CNTNAP2: variants seen among roughly 807,000 people sequenced by gnomAD.
CNTNAP2 encodes the protein contactin-associated protein-like 2.
A neutral mutation model predicts 155.2 loss-of-function variants in CNTNAP2; 98 were observed. The observed-to-expected ratio is 0.63, with a 90% confidence interval of 0.54 to 0.75. CNTNAP2 has a LOEUF of 0.75. Among genes scored for constraint, CNTNAP2 ranks in the 30% least tolerant of loss-of-function variants. The pLI is 0.00. For synonymous variants in CNTNAP2, 651 were observed against 631.2 expected, an observed-to-expected ratio of 1.03 and a Z score of -0.47; for missense variants, 1,727 against 1,688.1, an observed-to-expected ratio of 1.02 and a Z score of -0.40.
chr7:147,583,246 A>G (rs10241611), intron 12 of CNTNAP2, among the ~76,000 whole-genome samples: 104,514 of 151,486 alleles, frequency 0.69, 36,619 homozygotes, highest in African/African-American at 0.81. Context: ...GCAGTTCCAC[A>G]TAATCAGCTC....
At chr7:147,990,187 A>T (rs550203277) in intron 15 of CNTNAP2, among the ~76,000 whole-genome samples, 1 of 152,222 alleles carries the variant, frequency 6.6e-6, no homozygotes, top group African/African-American at 2.4e-5. Flanking sequence ...AAATGAAGAG[A>T]TGCACAGGGT....
At chr7:147,237,759 A>G (rs1803842941) in intron 8 of CNTNAP2, among the ~76,000 whole-genome samples, 1 of 152,246 alleles carries the variant, frequency 6.6e-6, no homozygotes, top group Non-Finnish European at 1.5e-5. Flanking sequence ...AAATTCAGTC[A>G]TATGTACATT....
intron 1 of CNTNAP2, among the ~76,000 whole-genome samples, chr7:146,489,204 TATA>T (rs1220881349): frequency 2.0e-5 from 3 of 152,176 alleles, no homozygotes; most frequent in Non-Finnish European, 2.9e-5. Flanking sequence ...TATGTACAAA[TATA>T]ATGTATCAAT....
At chr7:148,317,916 C>T (rs1344442023) in intron 21 of CNTNAP2, among the ~76,000 whole-genome samples, 13 of 151,548 alleles carry the variant, frequency 8.6e-5, no homozygotes, top group Non-Finnish European at 3.0e-5. Flanking sequence ...CTCCTGACCT[C>T]GTGATCCGCC....
rs929136570 is a variant in CNTNAP2 at position 148,415,806 on chromosome 7, C to A, written c.*190C>A. The stretch of plus-strand genomic sequence containing the variant: ...AAAAAAAAAAACCTTTTTAATATTT[C>A]TTTATAGCTGAGTTTTCCCTTCTGT... On this transcript the variant is annotated 3_prime_UTR_variant, in exon 24 of 24. Coordinates refer to ENST00000361727, the MANE Select transcript of CNTNAP2 (RefSeq NM_014141.6). The A allele has an allele frequency of 2.7e-5, 18 of 655,228 alleles. No homozygotes were observed. The highest frequency in any genetic ancestry group is 1.3e-4 in the African/African-American group (7 of 53,838). 40.6% of individuals were successfully genotyped at this position (655,228 alleles called of 1,614,324 possible).
At chr7:147,655,101 C>T (rs1166923701) in intron 13 of CNTNAP2, among the ~76,000 whole-genome samples, 1 of 151,248 alleles carries the variant, frequency 6.6e-6, no homozygotes, top group Non-Finnish European at 1.5e-5. Context: ...ACGTGAGCTA[C>T]CATGCCTGGC....
intron 9 of CNTNAP2, among the ~76,000 whole-genome samples, chr7:147,345,330 T>C (rs1460348623): frequency 6.6e-6 from 1 of 152,220 alleles, no homozygotes. Flanking sequence ...TAAAACTTTA[T>C]AACTTTATGT....
intron 13 of CNTNAP2, among the ~76,000 whole-genome samples, chr7:147,894,747 G>A (rs2538973): frequency 0.3 from 46,038 of 151,410 alleles, 7,379 homozygotes; most frequent in African/African-American, 0.4. Context: ...CTCAGAGGGC[G>A]CCAGGATCAT....
intron 14 of CNTNAP2, among the ~76,000 whole-genome samples, chr7:147,928,907 AT>A (rs1285562661): frequency 1.3e-5 from 2 of 151,954 alleles, no homozygotes; most frequent in Non-Finnish European, 2.9e-5. Flanking sequence ...CCTGACCAAC[AT>A]GGAGAAACCC....
At chr7:147,191,869 T>C (rs912015510) in intron 8 of CNTNAP2, among the ~76,000 whole-genome samples, 4 of 152,182 alleles carry the variant, frequency 2.6e-5, no homozygotes, top group Non-Finnish European at 5.9e-5. Flanking sequence ...AACAAGAGCA[T>C]GGGCAACTCT....
Position 146,816,442 on chromosome 7 carries a change from C to T in CNTNAP2, c.209-23269C>T, listed in dbSNP as rs766952698. Among the ~76,000 whole-genome samples the T allele has an allele frequency of 2.6e-4, 39 of 152,132 alleles. 1 individual carries two copies. The highest frequency in any genetic ancestry group is 4.6e-4 in the Non-Finnish European group (31 of 68,014). ...AACTCAGCCTGAAAGTATTCCCAAT[C>T]GAGGACCTCACCAACTGACTGCCCA... is the stretch of plus-strand genomic sequence containing the variant. On this transcript the variant is annotated intron_variant, in intron 2 of 23. Coordinates refer to ENST00000361727, the MANE Select transcript of CNTNAP2 (RefSeq NM_014141.6).
chr7:147,024,609 T>C (rs1474668983), intron 3 of CNTNAP2, among the ~76,000 whole-genome samples: 1 of 151,836 alleles, frequency 6.6e-6, no homozygotes, highest in African/African-American at 2.4e-5. Context: ...CAATAAAAAT[T>C]TAATTTAAAA....
chr7:146,728,029 T>G (rs1801461111), intron 1 of CNTNAP2, among the ~76,000 whole-genome samples: 1 of 152,096 alleles, frequency 6.6e-6, no homozygotes, highest in Non-Finnish European at 1.5e-5. Context: ...AACCGACGAT[T>G]TCAACTCACG....
At chr7:147,253,143 A>T (rs982269702) in intron 8 of CNTNAP2, among the ~76,000 whole-genome samples, 4 of 152,188 alleles carry the variant, frequency 2.6e-5, no homozygotes, top group African/African-American at 9.6e-5. Context: ...TTTCTTACAT[A>T]GTATTGGCTA....
Position 148,050,145 on chromosome 7 carries a change from A to G in CNTNAP2, c.2384-67973A>G, listed in dbSNP as rs143996251. Among the ~76,000 whole-genome samples the G allele has an allele frequency of 3.5e-3, 534 of 152,294 alleles. 2 individuals carry two copies. The highest frequency in any genetic ancestry group is 0.012 in the African/African-American group (496 of 41,568). On this transcript the variant is annotated intron_variant, in intron 15 of 23. Coordinates refer to ENST00000361727, the MANE Select transcript of CNTNAP2 (RefSeq NM_014141.6). ...ACTGCACTCCAGCCTGGGTGACAGA[A>G]CAAGACTCTATCTCAAACAAACCGA...
Position 146,718,645 on chromosome 7 carries a change from G to A in CNTNAP2, c.98-55626G>A, listed in dbSNP as rs1191078347. Among the ~76,000 whole-genome samples the A allele has an allele frequency of 5.3e-5, 8 of 152,042 alleles. No individual in the cohort carries two copies. In the East Asian group the frequency reaches 7.7e-4, roughly 15 times the overall value. On this transcript the variant is annotated intron_variant, in intron 1 of 23. Transcript: ENST00000361727. ...TCTCTGGCTGTCACTATCAGTTATC[G>A]CTCAACTTAATATTGTTGAAGTTTA...
At chr7:147,146,336 T>G (rs1334466388) in intron 8 of CNTNAP2, 1 of 153,224 alleles carries the variant, frequency 6.5e-6, no homozygotes, top group East Asian at 1.9e-4. Flanking sequence ...TGGAGCAGAG[T>G]GACAAACAGC....
chr7:147,726,377 A>G (rs528028305), intron 13 of CNTNAP2, among the ~76,000 whole-genome samples: 40 of 152,110 alleles, frequency 2.6e-4, no homozygotes, highest in African/African-American at 9.6e-4. Flanking sequence ...TGCTACTTAA[A>G]AGCCAGACAT....
chr7:147,260,429 A>T (rs952379608), intron 8 of CNTNAP2, among the ~76,000 whole-genome samples: 103 of 152,240 alleles, frequency 6.8e-4, no homozygotes, highest in African/African-American at 2.2e-3. Context: ...ATGGGGAAAA[A>T]TTTTTTTAAA....
Sources: allele counts gnomAD v4.1 joint callset (sites outside exome capture counted in the v4.1 genomes callset), GRCh38; gene constraint gnomAD v4.1.1; transcripts MANE v1.5; gene names NCBI Gene and HGNC (gene_info 2026-07-23, HGNC 2026-07-21).